TBX1: variants seen among roughly 807,000 people sequenced by gnomAD.
The protein encoded by TBX1 is T-box transcription factor 1, also known as T-box transcription factor TBX1.
TBX1 carries 16 observed loss-of-function variants against 40.8 expected under a neutral mutation model. The observed-to-expected ratio is 0.39, with a 90% confidence interval of 0.27 to 0.60. The LOEUF (loss-of-function observed/expected upper bound fraction) is 0.60, where lower values mean the gene tolerates loss of function less well. Among genes scored for constraint, TBX1 ranks in the 20% least tolerant of loss-of-function variants. The probability of loss-of-function intolerance (pLI) is 0.51; values close to 1 mark genes in which losing one functional copy is unlikely to be tolerated. For missense variants in TBX1, 755 were observed against 728.5 expected, an observed-to-expected ratio of 1.04 and a Z score of -0.42; for synonymous variants, 403 against 336.8, an observed-to-expected ratio of 1.20 and a Z score of -2.15.
chr22:19,765,299 G>C (rs1255554720), intron 4 of TBX1, among the ~76,000 whole-genome samples, 186 bp downstream of exon 4: 1 of 152,148 alleles, frequency 6.6e-6, no homozygotes, highest in Non-Finnish European at 1.5e-5. Context: ...GAGGCTGGCC[G>C]GCCCAGCCTC....
chr22:19,770,987 C>T (rs1936981326), downstream of TBX1, among the ~76,000 whole-genome samples: 1 of 152,178 alleles, frequency 6.6e-6, no homozygotes, highest in Non-Finnish European at 1.5e-5. Context: ...TGGTGCTGAC[C>T]TCCGCCCTGT....
At chr22:19,758,765 G>A (rs894037289), upstream of TBX1, among the ~76,000 whole-genome samples, 7 of 152,216 alleles carry the variant, frequency 4.6e-5, no homozygotes, top group South Asian at 2.1e-4. Context: ...AGAGGCGGGC[G>A]GTGCGCGCAA....
intron 3 of TBX1, 121 bp downstream of exon 3, chr22:19,764,447 C>G (rs1008318440): frequency 7.5e-7 from 1 of 1,333,602 alleles, no homozygotes; most frequent in African/African-American, 1.4e-5. Context: ...CGGCTCTGGG[C>G]TGTCCCCGAG....
At chr22:19,756,976 C>A (rs1267701288), upstream of TBX1, among the ~76,000 whole-genome samples, 1 of 152,068 alleles carries the variant, frequency 6.6e-6, no homozygotes, top group Admixed American at 6.5e-5. Context: ...GTCGGAGGAG[C>A]CCTATCCTGC....
intron 8 of TBX1, among the ~76,000 whole-genome samples, chr22:19,775,695 C>T (rs560245864): frequency 1.3e-5 from 2 of 152,258 alleles, no homozygotes; most frequent in African/African-American, 2.4e-5. Flanking sequence ...CCCACATGGC[C>T]GCACCCTGTC....
At chr22:19,767,338 G>C, downstream of TBX1, 2 of 988,360 alleles carry the variant, frequency 2.0e-6, no homozygotes, top group South Asian at 4.7e-5. Context: ...TTTGGAAGCC[G>C]CCTGCGTGTC....
intron 8 of TBX1, among the ~76,000 whole-genome samples, chr22:19,772,906 T>G (rs1380544001): frequency 6.6e-6 from 1 of 152,168 alleles, no homozygotes; most frequent in East Asian, 1.9e-4. Context: ...AGCCCGCCTT[T>G]GTGATAAGGG....
upstream of TBX1, among the ~76,000 whole-genome samples, chr22:19,758,684 GC>G (rs1936541942): frequency 6.6e-6 from 1 of 152,018 alleles, no homozygotes; most frequent in South Asian, 2.1e-4. Context: ...CCCTCCCTGC[GC>G]CCGGCCGGTG....
chr22:19,767,196 G>GCCCGCGGCC lies in TBX1; in HGVS notation c.*331_*339dup. 2 of 1,085,278 alleles carry GCCCGCGGCC rather than the reference G, an allele frequency of 1.8e-6. No individual in the cohort carries two copies. Among genetic ancestry groups the GCCCGCGGCC allele is most frequent in the Non-Finnish European group, 2.2e-6 (2 of 894,902 alleles). 67.2% of individuals were successfully genotyped at this position (1,085,278 alleles called of 1,614,324 possible). On this transcript the variant is annotated 3_prime_UTR_variant, in exon 7 of 7. Transcript: ENST00000649276. ...TTATTGTTCTCCCCGAGACCGCGTCGCCCGCGGCCCGGCCGGCAGTTGCAG... is the reference window on the plus strand; with the variant it reads ...TTATTGTTCTCCCCGAGACCGCGTCGCCCGCGGCCCCCGCGGCCCGGCCGGCAGTTGCAG...
rs72646959 is a variant in TBX1, at chr22:19,763,396, G to A, written c.539+54G>A. ...CCGGGAGGGCACCCTGGAAAGTGGC[G>A]GGTCTCCGCCTGGTGACCCAACTCC... On this transcript the variant is annotated intron_variant, in intron 2 of 6. Transcript: ENST00000649276. 6.5e-4 allele frequency: 1,015 copies of A among 1,566,314 alleles called. 6 individuals carry two copies. The highest frequency in any genetic ancestry group is 4.0e-4 in the Admixed American group (24 of 59,550).
chr22:19,771,031 T>A (rs530645996), downstream of TBX1, among the ~76,000 whole-genome samples: 507 of 152,306 alleles, frequency 3.3e-3, 8 homozygotes, highest in Middle Eastern at 0.048. Context: ...TGGAGGCCTG[T>A]GTCAGCCATG....
chr22:19,768,950 A>ATTTTTT (rs1601297935), downstream of TBX1, among the ~76,000 whole-genome samples: 2 of 70,712 alleles, frequency 2.8e-5, no homozygotes, highest in Non-Finnish European at 5.7e-5. Context: ...GGCTGTTCGC[A>ATTTTTT]TTCTTTTTTT....
chr22:19,762,489 T>A (rs1340661312), intron 1 of TBX1, among the ~76,000 whole-genome samples: 3 of 152,230 alleles, frequency 2.0e-5, no homozygotes, highest in Non-Finnish European at 4.4e-5. Flanking sequence ...CCTACACCCG[T>A]CCAGGCACTG....
chr22:19,759,479 G>A, upstream of TBX1: 1 of 1,443,154 alleles, frequency 6.9e-7, no homozygotes, highest in South Asian at 1.5e-5. Context: ...GCGCCGGCCA[G>A]GCCGCCGGGC....
chr22:19,758,708 G>A (rs924093972), upstream of TBX1, among the ~76,000 whole-genome samples: 18 of 152,082 alleles, frequency 1.2e-4, no homozygotes, highest in African/African-American at 3.1e-4. Context: ...CAGGGAGGTC[G>A]GAGGAGCGGG....
chr22:19,765,692 T>TC lies in TBX1; in HGVS notation c.868-64dup, dbSNP rs41298834. 0.016 allele frequency: 25,752 copies of TC among 1,577,808 alleles called. 356 individuals carry two copies. The highest frequency in any genetic ancestry group is 0.042 in the South Asian group (3,716 of 88,020). Reference sequence around the variant, plus strand: ...CGCTTCTCCTAACACTCCCCTATCCTCCGCCGAGGTCGGGTGGCCCAGGCT... The same window carrying TC: ...CGCTTCTCCTAACACTCCCCTATCCTCCCGCCGAGGTCGGGTGGCCCAGGCT... On this transcript the variant is annotated intron_variant, in intron 4 of 6. Coordinates refer to ENST00000649276, the MANE Select transcript of TBX1 (RefSeq NM_001379200.1).
At chr22:19,773,317 A>G in intron 8 of TBX1, among the ~76,000 whole-genome samples, 1 of 152,120 alleles carries the variant, frequency 6.6e-6, no homozygotes, top group East Asian at 1.9e-4. Flanking sequence ...GCCCCAGAGG[A>G]AGGTCTAGGT....
downstream of TBX1, chr22:19,779,609 A>G: frequency 2.3e-6 from 3 of 1,279,484 alleles, no homozygotes; most frequent in Non-Finnish European, 3.1e-6. Flanking sequence ...AAACAAAGTA[A>G]ATTTCTCCTG....
At chr22:19,772,885 C>T (rs1057020792) in intron 8 of TBX1, among the ~76,000 whole-genome samples, 1 of 152,204 alleles carries the variant, frequency 6.6e-6, no homozygotes, top group Admixed American at 6.5e-5. Flanking sequence ...AGCTGCCGGG[C>T]GCCCTTCTCC....
Sources: gnomAD v4.1 joint callset for allele counts (sites outside exome capture counted in the v4.1 genomes callset) on GRCh38, gnomAD v4.1.1 for gene constraint, MANE v1.5 for transcripts, NCBI Gene and HGNC (gene_info 2026-07-23, HGNC 2026-07-21) for gene names.